Variants in DOK6 observed in about 807,000 individuals in gnomAD.
DOK6 encodes the protein docking protein 6, also known as downstream of tyrosine kinase 6.
Under a neutral mutation model 44.0 loss-of-function variants are expected in DOK6, and 22 were observed. The ratio of observed to expected loss-of-function variants is 0.50; its 90% CI spans 0.36 to 0.71. The LOEUF (loss-of-function observed/expected upper bound fraction) is 0.71, where lower values mean the gene tolerates loss of function less well. Among genes scored for constraint, DOK6 ranks in the 30% least tolerant of loss-of-function variants. The probability of loss-of-function intolerance (pLI) is 0.00; values close to 1 mark genes in which losing one functional copy is unlikely to be tolerated. For synonymous variants in DOK6, 166 were observed against 145.5 expected (o/e 1.14, Z -1.01); for missense variants, 340 against 416.4 (o/e 0.82, Z 1.60).
intron 1 of DOK6, among the ~76,000 whole-genome samples, chr18:69,545,896 C>A (rs1314887841): frequency 6.6e-6 from 1 of 151,160 alleles, no homozygotes; most frequent in Non-Finnish European, 1.5e-5. Flanking sequence ...GAAACTAAAC[C>A]TAGAATTTTA....
intron 2 of DOK6, among the ~76,000 whole-genome samples, chr18:69,567,671 A>G (rs1455326607): frequency 1.3e-5 from 2 of 152,188 alleles, no homozygotes; most frequent in Non-Finnish European, 2.9e-5. Context: ...CCAGTACATA[A>G]CAGTGATCCT....
chr18:69,805,106 A>G (rs1981017043), intron 7 of DOK6, among the ~76,000 whole-genome samples: 1 of 152,148 alleles, frequency 6.6e-6, no homozygotes, highest in African/African-American at 2.4e-5. Context: ...TTCGAAACCC[A>G]CTCACTTAGT....
At chr18:69,629,266 AGCAAGTG>A (rs1444763987) in intron 3 of DOK6, among the ~76,000 whole-genome samples, 2 of 152,250 alleles carry the variant, frequency 1.3e-5, no homozygotes, top group Admixed American at 1.3e-4. Context: ...TTAGTGACAC[AGCAAGTG>A]GCAATGTTTC....
intron 7 of DOK6, among the ~76,000 whole-genome samples, chr18:69,793,310 A>G (rs1180491607): frequency 6.6e-6 from 1 of 152,178 alleles, no homozygotes; most frequent in Non-Finnish European, 1.5e-5. Flanking sequence ...TACAAATACA[A>G]GGCACTGTCC....
chr18:69,781,778 T>A (rs1330848334), intron 7 of DOK6, among the ~76,000 whole-genome samples: 1 of 152,282 alleles, frequency 6.6e-6, no homozygotes. Flanking sequence ...AATTGTGAAG[T>A]TTTTCCTGTT....
intron 3 of DOK6, among the ~76,000 whole-genome samples, chr18:69,636,465 T>A (rs1368104192): frequency 6.6e-6 from 1 of 152,164 alleles, no homozygotes; most frequent in East Asian, 1.9e-4. Context: ...AAGGAAGCCA[T>A]CCAGGCACAT....
In DOK6 at chr18:69,649,092, C is replaced by T. The variant is rs146633923; in HGVS notation, c.290-28642C>T. ...CTCTTACCATCCACACAGCTTCCCA[C>T]TGGAGAAGTCTGTGGATATGTCCAT... On this transcript the variant is annotated intron_variant, in intron 3 of 7. Transcript: ENST00000382713. Among the ~76,000 whole-genome samples the T allele has an allele frequency of 3.3e-3, 505 of 152,312 alleles. 2 individuals carry two copies. The highest frequency in any genetic ancestry group is 0.014 in the Middle Eastern group (4 of 294).
intron 1 of DOK6, among the ~76,000 whole-genome samples, chr18:69,555,647 C>A (rs1378177980): frequency 3.9e-5 from 6 of 152,152 alleles, no homozygotes; most frequent in Non-Finnish European, 8.8e-5. Flanking sequence ...TCTTGGCATT[C>A]TATTTAGCAA....
intron 5 of DOK6, among the ~76,000 whole-genome samples, chr18:69,714,024 G>A (rs1479140843): frequency 6.6e-6 from 1 of 152,134 alleles, no homozygotes; most frequent in African/African-American, 2.4e-5. Context: ...TACCACTAAA[G>A]GGACCTCCAG....
At chr18:69,728,406 T>C (rs879746041) in intron 5 of DOK6, among the ~76,000 whole-genome samples, 1 of 152,222 alleles carries the variant, frequency 6.6e-6, no homozygotes, top group Non-Finnish European at 1.5e-5. Flanking sequence ...AGCTCTGATT[T>C]ATAGCAAAGC....
intron 7 of DOK6, among the ~76,000 whole-genome samples, chr18:69,837,570 CAA>C (rs74175394): frequency 3.7e-5 from 5 of 136,322 alleles, no homozygotes; most frequent in African/African-American, 5.9e-5. Context: ...AGGTGTTCAG[CAA>C]AAAAAAAAAA....
intron 7 of DOK6, among the ~76,000 whole-genome samples, chr18:69,804,657 A>G (rs1297412230): frequency 6.6e-6 from 1 of 152,192 alleles, no homozygotes; most frequent in Non-Finnish European, 1.5e-5. Context: ...CATTTAGGAC[A>G]ATGATTTTTG....
intron 1 of DOK6, among the ~76,000 whole-genome samples, chr18:69,554,472 C>G (rs1027095153): frequency 6.6e-6 from 1 of 152,090 alleles, no homozygotes; most frequent in African/African-American, 2.4e-5. Flanking sequence ...TTCAACATAA[C>G]GTTTTTGAGA....
intron 1 of DOK6, among the ~76,000 whole-genome samples, chr18:69,498,661 G>T (rs1980963877): frequency 6.6e-6 from 1 of 152,090 alleles, no homozygotes; most frequent in South Asian, 2.1e-4. Context: ...ATATTGGGGG[G>T]TAAATTATAA....
intron 5 of DOK6, among the ~76,000 whole-genome samples, chr18:69,723,513 T>C (rs2144725473): frequency 6.6e-6 from 1 of 152,222 alleles, no homozygotes; most frequent in South Asian, 2.1e-4. Context: ...GTCAGGGGTA[T>C]TGTGGGTCAC....
intron 2 of DOK6, among the ~76,000 whole-genome samples, chr18:69,583,631 C>T (rs901738892): frequency 6.6e-6 from 1 of 151,836 alleles, no homozygotes; most frequent in African/African-American, 2.4e-5. Context: ...AAGATTTCAT[C>T]ATAGGCCAGG....
intron 1 of DOK6, among the ~76,000 whole-genome samples, chr18:69,535,587 CATATAT>C (rs748567172): frequency 6.6e-6 from 1 of 150,942 alleles, no homozygotes; most frequent in African/African-American, 2.5e-5. Flanking sequence ...ATATGTGATT[CATATAT>C]ATATGTGATT....
chr18:69,408,439 C>CAAA (rs35285941), intron 1 of DOK6, among the ~76,000 whole-genome samples: 5 of 138,810 alleles, frequency 3.6e-5, no homozygotes, highest in African/African-American at 1.0e-4. Flanking sequence ...CCTCTCCTTT[C>CAAA]AAAAAAAAAA....
intron 4 of DOK6, among the ~76,000 whole-genome samples, chr18:69,697,689 CT>C (rs1986420016): frequency 1.3e-5 from 2 of 149,984 alleles, no homozygotes; most frequent in Admixed American, 1.3e-4. Flanking sequence ...TTGCAATAGC[CT>C]TTAAGAAACA....
Sources: allele counts gnomAD v4.1 joint callset (sites outside exome capture counted in the v4.1 genomes callset), GRCh38; gene constraint gnomAD v4.1.1; transcripts MANE v1.5; gene names NCBI Gene and HGNC (gene_info 2026-07-23, HGNC 2026-07-21).